The following FAM200B variants were observed in gnomAD, a reference collection of about 807,000 sequenced individuals.
FAM200B encodes the protein protein FAM200B.
A neutral mutation model predicts 33.1 loss-of-function variants in FAM200B; 32 were observed. That is an observed-to-expected ratio of 0.97 (90% CI 0.73 to 1.30). The LOEUF (loss-of-function observed/expected upper bound fraction) is 1.30. Among genes scored for constraint, FAM200B ranks in the 50% most tolerant of loss-of-function variants. FAM200B has a pLI of 0.00. For missense variants in FAM200B, 741 were observed against 754.0 expected (o/e 0.98, Z 0.20); for synonymous variants, 240 against 264.8 (o/e 0.91, Z 0.91).
chr4:15,655,284 C>T, the FAM200B span: 1 of 1,427,420 alleles, frequency 7.0e-7, no homozygotes, highest in Non-Finnish European at 9.3e-7. Flanking sequence ...GGAAAGGGCG[C>T]CATCGCCACT....
At chr4:15,656,257 A>C in the FAM200B span, 1 of 456,070 alleles carries the variant, frequency 2.2e-6, no homozygotes, top group Admixed American at 2.3e-5. Flanking sequence ...CTTTCCCATA[A>C]ATCGCCTGGC....
chr4:15,676,268 TAAG>T, the FAM200B span, among the ~76,000 whole-genome samples: 3 of 152,176 alleles, frequency 2.0e-5, no homozygotes, highest in Non-Finnish European at 2.9e-5. Flanking sequence ...ATAAAAAGCA[TAAG>T]AAGTAGTCAA....
At chr4:15,653,253 T>A in the FAM200B span, among the ~76,000 whole-genome samples, 1 of 152,214 alleles carries the variant, frequency 6.6e-6, no homozygotes, top group South Asian at 2.1e-4. Flanking sequence ...AAATTGAAAA[T>A]GCTTTATTAA....
chr4:15,661,764 G>C, the FAM200B span, among the ~76,000 whole-genome samples: 2 of 152,188 alleles, frequency 1.3e-5, no homozygotes, highest in Admixed American at 6.5e-5. Flanking sequence ...AGGAATTACA[G>C]AGTGGCTTAT....
chr4:15,687,152 A>C lies in FAM200B; in HGVS notation c.175A>C (p.Ser59Arg). The change falls in exon 2 of 2, where the codon AGT (serine) becomes CGT (arginine). Residue 59 changes from serine to arginine, a missense_variant. Transcript: ENST00000422728. ...GCCACATTTCAAAAAGAAAAAAGTA[A>C]GTGCAAGACGTTATAATGAAGATTA... ...FEPHFKKKKVSARRYNEDYLK... is the reference protein window; with the variant it reads ...FEPHFKKKKVRARRYNEDYLK... 1.3e-6 allele frequency: 2 copies of C among 1,544,588 alleles called. No individual in the cohort carries two copies. The highest frequency in any genetic ancestry group is 1.7e-6 in the Non-Finnish European group (2 of 1,144,610).
chr4:15,655,095 C>A, the FAM200B span: 8 of 863,348 alleles, frequency 9.3e-6, no homozygotes, highest in Non-Finnish European at 1.2e-5. Flanking sequence ...ACTCGCGCGG[C>A]GACGGCACGG....
chr4:15,652,290 T>G, the FAM200B span, among the ~76,000 whole-genome samples: 2 of 152,208 alleles, frequency 1.3e-5, no homozygotes, highest in African/African-American at 4.8e-5. Context: ...ACTACTATGA[T>G]TTAATATAAA....
chr4:15,680,952 T>C (rs1027498248), upstream of FAM200B, among the ~76,000 whole-genome samples: 15 of 148,640 alleles, frequency 1.0e-4, no homozygotes, highest in Admixed American at 6.8e-4. Context: ...TATATGTTTT[T>C]TGTTTCACAT....
the FAM200B span, among the ~76,000 whole-genome samples, chr4:15,659,333 A>G: frequency 6.6e-6 from 1 of 152,206 alleles, no homozygotes; most frequent in African/African-American, 2.4e-5. Flanking sequence ...GGTTTTTAAG[A>G]AAAACTAATC....
At chr4:15,654,482 G>C in the FAM200B span, among the ~76,000 whole-genome samples, 1 of 151,494 alleles carries the variant, frequency 6.6e-6, no homozygotes, top group Non-Finnish European at 1.5e-5. Flanking sequence ...CCCTTTATTC[G>C]AGCTCATATA....
At chr4:15,653,555 T>A in the FAM200B span, among the ~76,000 whole-genome samples, 1 of 152,134 alleles carries the variant, frequency 6.6e-6, no homozygotes, top group Non-Finnish European at 1.5e-5. Context: ...TAATTTCAGG[T>A]GATCCTAGGC....
the FAM200B span, among the ~76,000 whole-genome samples, chr4:15,655,024 G>A: frequency 2.6e-5 from 4 of 151,228 alleles, no homozygotes; most frequent in East Asian, 3.9e-4. Context: ...GCTCTGCGAA[G>A]GCCTCGCAGC....
rs1053112 is a variant in FAM200B, at chr4:15,687,058, T to C, written c.81T>C (p.Ser27=). ...CATGTTCAAGTTCATCTGTTGAATC[T>C]GGAATTGTGAATAGTGACAATATTG... ...TEACSSSSVE[S]GIVNSDNIEK... Residue 27 remains serine, a synonymous_variant, in exon 2 of 2, where the codon TCT becomes TCC. Coordinates refer to ENST00000422728, the MANE Select transcript of FAM200B (RefSeq NM_001145191.2). The C allele has an allele frequency of 3.2e-3, 4,864 of 1,537,236 alleles. 136 individuals carry two copies. In the African/African-American group the frequency reaches 0.059, roughly 19 times the overall value.
chr4:15,645,939 T>C, the FAM200B span, among the ~76,000 whole-genome samples: 2 of 152,224 alleles, frequency 1.3e-5, no homozygotes, highest in Non-Finnish European at 2.9e-5. Context: ...ACCTGGGATA[T>C]ATCAATGAAC....
chr4:15,688,548 C>T lies in FAM200B; in HGVS notation c.1571C>T (p.Pro524Leu). ...TCTCAAACTTTTAACCATTTCTTTC[C>T]AGAAGAAAAATTTGAAACATTAAGG... ...SLSQTFNHFF[P>L]EEKFETLREN... The change falls in exon 2 of 2, where the codon CCA becomes CTA. Residue 524 changes from proline (P) to leucine (L), a missense_variant. Physicochemically the swap from Pro to Leu is moderately conservative, Grantham distance 98 (BLOSUM62 -3). Transcript: ENST00000422728. The T allele has an allele frequency of 6.5e-7, 1 of 1,548,586 alleles. No homozygotes were observed. The highest frequency in any genetic ancestry group is 8.7e-7 in the Non-Finnish European group (1 of 1,144,848).
At chr4:15,678,430 C>T (rs908251760), upstream of FAM200B, among the ~76,000 whole-genome samples, 5 of 152,158 alleles carry the variant, frequency 3.3e-5, no homozygotes, top group African/African-American at 9.7e-5. Flanking sequence ...GGCATTGTAA[C>T]GACCACTTGA....
chr4:15,660,376 C>G, the FAM200B span, among the ~76,000 whole-genome samples: 4 of 152,096 alleles, frequency 2.6e-5, no homozygotes, highest in African/African-American at 9.7e-5. Flanking sequence ...GCCGCCGCAC[C>G]CAGCCCCGAC....
intron 1 of FAM200B, among the ~76,000 whole-genome samples, chr4:15,684,152 A>G (rs2148856190): frequency 6.6e-6 from 1 of 152,326 alleles, no homozygotes; most frequent in East Asian, 1.9e-4. Flanking sequence ...CTTAAGCATC[A>G]GTGTACACAT....
the FAM200B span, among the ~76,000 whole-genome samples, chr4:15,661,352 T>G: frequency 6.6e-6 from 1 of 152,206 alleles, no homozygotes; most frequent in Admixed American, 6.5e-5. Context: ...AAAGGGATAG[T>G]GAGTCTCCAG....
Sources: allele counts gnomAD v4.1 joint callset (sites outside exome capture counted in the v4.1 genomes callset), GRCh38; gene constraint gnomAD v4.1.1; transcripts MANE v1.5; gene names NCBI Gene and HGNC (gene_info 2026-07-23, HGNC 2026-07-21).